TRHDE: variants seen among roughly 807,000 people sequenced by gnomAD.
TRHDE encodes thyrotropin-releasing hormone-degrading ectoenzyme.
In TRHDE, 72 loss-of-function variants were observed where a neutral mutation model predicts 125.7. The ratio of observed to expected loss-of-function variants is 0.57; its 90% CI spans 0.47 to 0.70. The LOEUF is 0.70. Ranked by LOEUF, TRHDE falls within the 30% of genes least tolerant of loss-of-function variation. TRHDE has a pLI of 0.00. For synonymous variants in TRHDE, 509 were observed against 509.1 expected (o/e 1.00, Z 0.00); for missense variants, 1,110 against 1,327.1 (o/e 0.84, Z 2.54).
intron 15 of TRHDE, among the ~76,000 whole-genome samples, chr12:72,648,659 A>G (rs1326262228): frequency 6.6e-6 from 1 of 152,098 alleles, no homozygotes; most frequent in East Asian, 1.9e-4. Flanking sequence ...CAAAAATAAT[A>G]AAATAGGCTG....
At chr12:72,597,428 G>T (rs1871988595) in intron 12 of TRHDE, among the ~76,000 whole-genome samples, 1 of 151,980 alleles carries the variant, frequency 6.6e-6, no homozygotes, top group Admixed American at 6.6e-5. Context: ...AGCACTTTGG[G>T]AGGCTGAGGC....
rs1277746983 is a variant in TRHDE at position 72,666,502 on chromosome 12, A to G, written c.*3307A>G. The G allele has an allele frequency of 6.6e-6, 1 of 152,120 alleles. No homozygotes were observed. The highest frequency in any genetic ancestry group is 1.5e-5 in the Non-Finnish European group (1 of 68,014). The allele number at this position is 152,120 out of a possible 1,614,324, so 9.4% of individuals were successfully genotyped here. A position where few individuals can be genotyped will look rare whatever the true frequency, so the allele number is the denominator to read the frequency against. On this transcript the variant is annotated 3_prime_UTR_variant, in exon 19 of 19. Coordinates refer to ENST00000261180, the MANE Select transcript of TRHDE (RefSeq NM_013381.3). Reference sequence around the variant, plus strand: ...CAAAAGTTCAGTGCTCTAGTGAGCTATGATCACTGTACTCCAGCCTGGGTG... The same window carrying G: ...CAAAAGTTCAGTGCTCTAGTGAGCTGTGATCACTGTACTCCAGCCTGGGTG...
intron 2 of TRHDE, among the ~76,000 whole-genome samples, chr12:72,196,746 C>T (rs1016278201): frequency 6.6e-6 from 1 of 152,068 alleles, no homozygotes; most frequent in Non-Finnish European, 1.5e-5. Flanking sequence ...GATATGCCAT[C>T]TCCTCTTACT....
rs1166936239 is a variant in TRHDE, at chr12:72,619,026, C to T, written c.2457C>T (p.Tyr819=). 1 of 1,553,892 alleles carries T rather than the reference C, an allele frequency of 6.4e-7. No homozygotes were observed. The highest frequency in any genetic ancestry group is 2.3e-5 in the East Asian group (1 of 43,280). Residue 819 remains tyrosine (Y), a synonymous_variant, in exon 13 of 19, where the codon TAC becomes TAT. Coordinates refer to ENST00000261180, the MANE Select transcript of TRHDE (RefSeq NM_013381.3). The part of the protein sequence containing the change: ...LDKLLDRMEN[Y]NIFNEYILKQ... Reference sequence around the variant, plus strand: ...AATTACTGGACCGCATGGAAAACTACAACATTTTCAATGTAAAAAGATATA... The same window carrying T: ...AATTACTGGACCGCATGGAAAACTATAACATTTTCAATGTAAAAAGATATA...
intron 3 of TRHDE, among the ~76,000 whole-genome samples, chr12:72,466,461 C>T (rs1876380877): frequency 1.3e-5 from 2 of 152,158 alleles, no homozygotes; most frequent in Non-Finnish European, 2.9e-5. Flanking sequence ...TGACACCAGG[C>T]CTGCTACTGT....
chr12:72,510,957 T>TGGTC (rs1328764254), intron 6 of TRHDE, among the ~76,000 whole-genome samples: 1 of 152,176 alleles, frequency 6.6e-6, no homozygotes, highest in Non-Finnish European at 1.5e-5. Context: ...AATATGTGAA[T>TGGTC]GGTCGTTATG....
intron 2 of TRHDE, among the ~76,000 whole-genome samples, chr12:72,295,778 A>G (rs1880274912): frequency 9.1e-6 from 1 of 109,846 alleles, no homozygotes; most frequent in Non-Finnish European, 1.8e-5. Flanking sequence ...AATGTATTCT[A>G]ACCATGTATT....
chr12:72,475,224 T>A (rs1363388314), intron 5 of TRHDE, among the ~76,000 whole-genome samples: 1 of 152,154 alleles, frequency 6.6e-6, no homozygotes, highest in African/African-American at 2.4e-5. Flanking sequence ...TATCTTTTGG[T>A]TTTTGATGAC....
chr12:72,404,264 A>G (rs2135806095), intron 3 of TRHDE, among the ~76,000 whole-genome samples: 1 of 152,142 alleles, frequency 6.6e-6, no homozygotes, highest in East Asian at 1.9e-4. Flanking sequence ...AAACACAGAG[A>G]AAATTAGCCA....
Position 72,287,947 on chromosome 12 carries a change from C to CT in TRHDE, c.1188+1006dup, listed in dbSNP as rs111979925. ...ATTAAGACAAGGTATTAAGATTCCACTTTTTTTTTTTTTCAAATGAGTAAA... is the reference window on the plus strand; with the variant it reads ...ATTAAGACAAGGTATTAAGATTCCACTTTTTTTTTTTTTTCAAATGAGTAAA... On this transcript the variant is annotated intron_variant, in intron 2 of 18. Coordinates refer to ENST00000261180, the MANE Select transcript of TRHDE (RefSeq NM_013381.3). 5.2e-3 allele frequency among the ~76,000 whole-genome samples: 750 copies of CT among 144,504 alleles called. 2 individuals are homozygous for CT. The highest frequency in any genetic ancestry group is 0.019 in the East Asian group (92 of 4,930). The allele number at this position is 144,504 out of a possible 152,430, so 94.8% of individuals were successfully genotyped here.
chr12:72,630,391 A>C (rs1334818231), intron 15 of TRHDE, among the ~76,000 whole-genome samples: 12 of 151,910 alleles, frequency 7.9e-5, no homozygotes, highest in East Asian at 3.9e-4. Flanking sequence ...TGGAGCCATT[A>C]GAAGCTGGAG....
At chr12:72,619,062 C>A (rs377560355) in intron 13 of TRHDE, 24 bp downstream of exon 13, 15 of 1,495,712 alleles carry the variant, frequency 1.0e-5, no homozygotes, top group Admixed American at 2.3e-5. Context: ...ATTTTTCTTT[C>A]TAATTTTTAG....
At chr12:72,620,267 T>G (rs926118721) in intron 13 of TRHDE, among the ~76,000 whole-genome samples, 3 of 149,916 alleles carry the variant, frequency 2.0e-5, no homozygotes, top group African/African-American at 7.4e-5. Flanking sequence ...TTTGTATTCC[T>G]TGGCAAAATT....
chr12:72,223,107 A>G (rs1165459426), intron 2 of TRHDE, among the ~76,000 whole-genome samples: 1 of 152,108 alleles, frequency 6.6e-6, no homozygotes, highest in Non-Finnish European at 1.5e-5. Context: ...GAAAGAAATT[A>G]CAAGAGGCAA....
chr12:72,121,720 CTTTTTTTTTTT>C (rs57483232), intron 2 of TRHDE, among the ~76,000 whole-genome samples: 1 of 111,954 alleles, frequency 8.9e-6, no homozygotes, highest in African/African-American at 3.4e-5. Flanking sequence ...ACGAAGGTGC[CTTTTTTTTTTT>C]TTTTTTTTTT....
rs77865424 is a variant in TRHDE at position 72,514,316 on chromosome 12, G to A, written c.1722+14681G>A. 3.7e-3 allele frequency among the ~76,000 whole-genome samples: 568 copies of A among 152,146 alleles called. 6 individuals are homozygous for A. The highest frequency in any genetic ancestry group is 0.013 in the African/African-American group (547 of 41,504). ...ATTTGTGCATATGACTAAGACACTG[G>A]ATGCATGACTTAGACCATAAAATAA... On this transcript the variant is annotated intron_variant, in intron 6 of 18. Transcript: ENST00000261180.
intron 12 of TRHDE, among the ~76,000 whole-genome samples, chr12:72,589,265 T>C (rs570316367): frequency 3.3e-5 from 5 of 152,196 alleles, no homozygotes. Flanking sequence ...CTGATTTGTA[T>C]TTCTCTGATG....
In TRHDE at chr12:72,575,404, G is replaced by T; in HGVS notation, c.2265+16G>T. The T allele has an allele frequency of 6.2e-7, 1 of 1,613,446 alleles. No homozygotes were observed. Among genetic ancestry groups the T allele is most frequent in the Non-Finnish European group, 8.5e-7 (1 of 1,179,654 alleles). ...GAATCATGAGGTACACTCCAGATTT[G>T]CTTATCAAAGATAATTTTTGGTATG... On this transcript the variant is annotated intron_variant, in intron 11 of 18. Coordinates refer to ENST00000261180, the MANE Select transcript of TRHDE (RefSeq NM_013381.3).
At chr12:72,234,131 A>C (rs996856804) in intron 2 of TRHDE, among the ~76,000 whole-genome samples, 1 of 152,202 alleles carries the variant, frequency 6.6e-6, no homozygotes, top group Admixed American at 6.5e-5. Flanking sequence ...AGATACAATA[A>C]ACTTCAAACA....
Sources: gnomAD v4.1 joint callset for allele counts (sites outside exome capture counted in the v4.1 genomes callset) on GRCh38, gnomAD v4.1.1 for gene constraint, MANE v1.5 for transcripts, NCBI Gene and HGNC (gene_info 2026-07-23, HGNC 2026-07-21) for gene names.